The following ADARB2 variants were observed in gnomAD, a reference collection of about 807,000 sequenced individuals.
The protein encoded by ADARB2 is adenosine deaminase RNA specific B2 (inactive), also known as inactive double-stranded RNA-specific editase B2.
A neutral mutation model predicts 62.2 loss-of-function variants in ADARB2; 25 were observed. That is an observed-to-expected ratio of 0.40 (90% confidence interval 0.29 to 0.56). ADARB2 has a LOEUF of 0.56. ADARB2 is among the 20% of genes least tolerant of loss of function. The probability of loss-of-function intolerance (pLI) is 0.43; values close to 1 mark genes in which losing one functional copy is unlikely to be tolerated. For synonymous variants in ADARB2, 572 were observed against 500.8 expected (o/e 1.14, Z -1.90); for missense variants, 1,071 against 1,077.4 (o/e 0.99, Z 0.08).
At chr10:1,244,052 C>A (rs1415499966) in intron 4 of ADARB2, among the ~76,000 whole-genome samples, 1 of 152,270 alleles carries the variant, frequency 6.6e-6, no homozygotes, top group East Asian at 1.9e-4. Flanking sequence ...CAGGCCTCCT[C>A]CTCTCTCAGC....
rs996194948 is a variant in ADARB2 at position 1,382,880 on chromosome 10, A to T, written c.101-3720T>A. ...GTCAGGGGTCGGCTGGGCACTCCCC[A>T]CTCCTCAGCTGCTCACATCCTGGGT... On this transcript the variant is annotated intron_variant, in intron 1 of 9. Coordinates refer to ENST00000381312, the MANE Select transcript of ADARB2 (RefSeq NM_018702.4). Among the ~76,000 whole-genome samples the T allele has an allele frequency of 3.9e-5, 6 of 151,980 alleles. No individual in the cohort carries two copies. The South Asian group carries it at 6.2e-4, about 16-fold the overall frequency.
intron 1 of ADARB2, among the ~76,000 whole-genome samples, chr10:1,521,135 G>T (rs963171622): frequency 6.6e-6 from 1 of 152,114 alleles, no homozygotes; most frequent in African/African-American, 2.4e-5. Flanking sequence ...AGTCGGGTGA[G>T]GTGGCTGTAA....
At chr10:1,240,641 T>A in intron 5 of ADARB2, 1 of 152,268 alleles carries the variant, frequency 6.6e-6, no homozygotes, top group East Asian at 1.9e-4. Context: ...GTCAGCCACG[T>A]GGCTGCCCTG....
chr10:1,383,165 C>T (rs1832498824), intron 1 of ADARB2, among the ~76,000 whole-genome samples: 1 of 152,216 alleles, frequency 6.6e-6, no homozygotes, highest in Non-Finnish European at 1.5e-5. Context: ...GAGGGCACAG[C>T]AGCCCTTGCC....
intron 3 of ADARB2, among the ~76,000 whole-genome samples, chr10:1,322,801 G>GA (rs1327547131): frequency 1.3e-5 from 2 of 152,074 alleles, no homozygotes; most frequent in Admixed American, 1.3e-4. Context: ...GTTACTTAAG[G>GA]AAAAAACATT....
At chr10:1,520,239 CA>C (rs1427076546) in intron 1 of ADARB2, among the ~76,000 whole-genome samples, 1 of 152,178 alleles carries the variant, frequency 6.6e-6, no homozygotes, top group Non-Finnish European at 1.5e-5. Flanking sequence ...CTGACTGAAC[CA>C]TATGCATCAT....
At chr10:1,613,055 C>T (rs986482377) in intron 1 of ADARB2, among the ~76,000 whole-genome samples, 3 of 152,188 alleles carry the variant, frequency 2.0e-5, no homozygotes, top group African/African-American at 4.8e-5. Context: ...TTCTAGTGGG[C>T]GTAACAGAGC....
chr10:1,331,793 A>AT (rs562041987), intron 3 of ADARB2, among the ~76,000 whole-genome samples: 3 of 152,146 alleles, frequency 2.0e-5, no homozygotes, highest in Non-Finnish European at 4.4e-5. Context: ...AAAGTTCTAG[A>AT]TTTTTTTCCT....
At chr10:1,259,452 A>G (rs1380429882) in intron 4 of ADARB2, among the ~76,000 whole-genome samples, 1 of 152,242 alleles carries the variant, frequency 6.6e-6, no homozygotes, top group Non-Finnish European at 1.5e-5. Flanking sequence ...TGCAATAAAA[A>G]ATGATAAAGG....
At chr10:1,322,787 C>T (rs1831806779) in intron 3 of ADARB2, among the ~76,000 whole-genome samples, 1 of 152,218 alleles carries the variant, frequency 6.6e-6, no homozygotes, top group East Asian at 1.9e-4. Flanking sequence ...TTATTTCTAC[C>T]CAAGTTACTT....
chr10:1,197,541 G>A (rs1053847079), intron 8 of ADARB2, among the ~76,000 whole-genome samples: 6 of 152,280 alleles, frequency 3.9e-5, no homozygotes, highest in African/African-American at 7.2e-5. Context: ...AAGACAGCCC[G>A]TGCTCTCCTC....
At position 1,340,695 on chromosome 10, in the gene ADARB2, G is replaced by A. The variant is rs71491370; in HGVS notation, c.1077+22333C>T. 9.8e-3 allele frequency among the ~76,000 whole-genome samples: 350 copies of A among 35,820 alleles called. 3 individuals carry two copies. Among genetic ancestry groups the A allele is most frequent in the Admixed American group, 0.013 (43 of 3,438 alleles). The allele number at this position is 35,820 out of a possible 152,430, so 23.5% of individuals were successfully genotyped here. ...CACGTGCCCCACAGTGGCAATAACC[G>A]GCATCCACCAGAGAACCACGCGCCC... On this transcript the variant is annotated intron_variant, in intron 3 of 9. Transcript: ENST00000381312.
At chr10:1,229,606 G>T (rs373667556) in intron 6 of ADARB2, among the ~76,000 whole-genome samples, 1 of 54,036 alleles carries the variant, frequency 1.9e-5, no homozygotes, top group African/African-American at 8.2e-5. Flanking sequence ...ACTTAATCAC[G>T]TCATAGTTAT....
intron 1 of ADARB2, among the ~76,000 whole-genome samples, chr10:1,519,358 C>T (rs1193722944): frequency 6.6e-6 from 1 of 152,180 alleles, no homozygotes; most frequent in Non-Finnish European, 1.5e-5. Flanking sequence ...TGTGGTCATA[C>T]ACATGCATTC....
chr10:1,705,201 T>G (rs1302214923), intron 1 of ADARB2, among the ~76,000 whole-genome samples: 1 of 152,224 alleles, frequency 6.6e-6, no homozygotes, highest in African/African-American at 2.4e-5. Context: ...ACGAAACCAC[T>G]TTGACACTTT....
intron 6 of ADARB2, among the ~76,000 whole-genome samples, chr10:1,229,794 ATG>A (rs767898169): frequency 1.0e-4 from 6 of 57,838 alleles, no homozygotes; most frequent in African/African-American, 2.7e-4. Flanking sequence ...ACATGTGTTT[ATG>A]TGTGTGCGTG....
intron 8 of ADARB2, among the ~76,000 whole-genome samples, chr10:1,188,628 T>TA (rs397723551): frequency 4.6e-5 from 7 of 151,402 alleles, no homozygotes; most frequent in South Asian, 2.1e-4. Context: ...TTTTTTTTTT[T>TA]AATAAACCTT....
chr10:1,464,654 G>A (rs1457598183), intron 1 of ADARB2, among the ~76,000 whole-genome samples: 1 of 86,244 alleles, frequency 1.2e-5, no homozygotes, highest in Admixed American at 1.1e-4. Context: ...TGGAGAAGAG[G>A]GTGGACACAC....
intron 3 of ADARB2, among the ~76,000 whole-genome samples, chr10:1,300,516 A>G (rs1831563924): frequency 6.6e-6 from 1 of 152,082 alleles, no homozygotes; most frequent in Non-Finnish European, 1.5e-5. Flanking sequence ...CTCCTATAAC[A>G]CTTAAAAATA....
Sources: gnomAD v4.1 joint callset for allele counts (sites outside exome capture counted in the v4.1 genomes callset) on GRCh38, gnomAD v4.1.1 for gene constraint, MANE v1.5 for transcripts, NCBI Gene and HGNC (gene_info 2026-07-23, HGNC 2026-07-21) for gene names.